CUL5: variants seen among roughly 807,000 people sequenced by gnomAD.
The protein encoded by CUL5 is cullin 5, also known as cullin-5.
CUL5 carries 26 observed loss-of-function variants against 108.8 expected under a neutral mutation model. That is an observed-to-expected ratio of 0.24 (90% CI 0.18 to 0.33). The LOEUF (loss-of-function observed/expected upper bound fraction) is 0.33, where lower values mean the gene tolerates loss of function less well. Ranked by LOEUF, CUL5 falls within the 10% of genes least tolerant of loss-of-function variation. CUL5 has a pLI of 1.00. For missense variants in CUL5, 524 were observed against 909.2 expected, an observed-to-expected ratio of 0.58 and a Z score of 5.45; for synonymous variants, 334 against 298.0, an observed-to-expected ratio of 1.12 and a Z score of -1.25.
At chr11:108,025,661 T>C (rs1429192646) in intron 1 of CUL5, among the ~76,000 whole-genome samples, 2 of 152,292 alleles carry the variant, frequency 1.3e-5, no homozygotes, top group South Asian at 2.1e-4. Flanking sequence ...GTTCTGCCCA[T>C]TCCCATTCCT....
intron 13 of CUL5, among the ~76,000 whole-genome samples, chr11:108,091,731 A>G (rs993975172): frequency 5.9e-5 from 9 of 151,270 alleles, no homozygotes; most frequent in Non-Finnish European, 1.3e-4. Flanking sequence ...ACACACACAC[A>G]CGACAAATAA....
intron 8 of CUL5, among the ~76,000 whole-genome samples, chr11:108,071,970 A>C (rs982422199): frequency 6.6e-6 from 1 of 152,122 alleles, no homozygotes; most frequent in Non-Finnish European, 1.5e-5. Flanking sequence ...TGAGCCCCGA[A>C]GTTTGAGACC....
intron 10 of CUL5, 150 bp downstream of exon 10, chr11:108,073,647 G>A (rs980020445): frequency 6.1e-5 from 25 of 408,594 alleles, no homozygotes; most frequent in Non-Finnish European, 1.1e-4. Context: ...AACTATATTC[G>A]TTTTGTCTTG....
chr11:108,081,158 C>T (rs1475032509), intron 11 of CUL5, among the ~76,000 whole-genome samples: 5 of 151,210 alleles, frequency 3.3e-5, no homozygotes, highest in African/African-American at 1.2e-4. Context: ...CGTGGTGGCT[C>T]ATGCCTGTGA....
intron 7 of CUL5, among the ~76,000 whole-genome samples, chr11:108,057,947 A>T (rs1487826081): frequency 6.6e-6 from 1 of 152,138 alleles, no homozygotes; most frequent in East Asian, 1.9e-4. Context: ...GCAGTGGCTC[A>T]CGCCTGTAAT....
chr11:108,043,015 G>A (rs1032844563), intron 2 of CUL5, among the ~76,000 whole-genome samples: 5 of 152,038 alleles, frequency 3.3e-5, no homozygotes, highest in African/African-American at 7.2e-5. Flanking sequence ...TGTCCACCTC[G>A]GCCTCCCAAA....
At chr11:108,062,443 A>G (rs1239999857) in intron 7 of CUL5, among the ~76,000 whole-genome samples, 1 of 151,778 alleles carries the variant, frequency 6.6e-6, no homozygotes, top group Non-Finnish European at 1.5e-5. Context: ...ATTGATTCCT[A>G]CCAATCTGCC....
chr11:108,070,033 A>T, intron 7 of CUL5, 63 bp from the exon 8 acceptor site: 1 of 986,046 alleles, frequency 1.0e-6, no homozygotes, highest in Non-Finnish European at 1.5e-6. Context: ...TTATTTTGTG[A>T]GTTAGAATAG....
intron 11 of CUL5, among the ~76,000 whole-genome samples, chr11:108,083,013 C>T (rs1864133964): frequency 6.6e-6 from 1 of 152,146 alleles, no homozygotes; most frequent in Admixed American, 6.5e-5. Flanking sequence ...TAGATTCTTT[C>T]AGCTTTTCTG....
At chr11:108,018,621 G>A (rs1382047287) in intron 1 of CUL5, among the ~76,000 whole-genome samples, 1 of 152,138 alleles carries the variant, frequency 6.6e-6, no homozygotes, top group Admixed American at 6.5e-5. Flanking sequence ...GTTGCAGGGA[G>A]CCGAGATCAC....
chr11:108,060,523 T>G lies in CUL5; in HGVS notation c.780+5568T>G, dbSNP rs189112196. Among the ~76,000 whole-genome samples, 84 of 152,202 alleles carry G rather than the reference T, an allele frequency of 5.5e-4. No individual in the cohort carries two copies. In the East Asian group the frequency reaches 0.011, roughly 20 times the overall value. ...AATTTGAGCGAGGTAGAAATAATTA[T>G]GCAAATTGAATACCACTAAAAGAAG... On this transcript the variant is annotated intron_variant, in intron 7 of 18. Transcript: ENST00000393094.
chr11:108,091,695 TCACACACACACACA>T lies in CUL5; in HGVS notation c.1443+2096_1443+2109del, dbSNP rs71303233. Among the ~76,000 whole-genome samples the T allele has an allele frequency of 5.1e-5, 7 of 138,098 alleles. No individual in the cohort carries two copies. The South Asian group carries it at 7.2e-4, about 14-fold the overall frequency. The allele number at this position is 138,098 out of a possible 152,430, so 90.6% of individuals were successfully genotyped here. A position where few individuals can be genotyped will look rare whatever the true frequency, so the allele number is the denominator to read the frequency against. ...CAGAGTCAGATCCTGTCTCTCTCAC[TCACACACACACACA>T]CACACACACACACACACACACACGA... On this transcript the variant is annotated intron_variant, in intron 13 of 18. Transcript: ENST00000393094.
chr11:108,063,334 A>G (rs1176530826), intron 7 of CUL5, among the ~76,000 whole-genome samples: 2 of 152,038 alleles, frequency 1.3e-5, no homozygotes, highest in East Asian at 3.8e-4. Context: ...ATTTCACCTA[A>G]CACAGTGTTC....
intron 8 of CUL5, 56 bp from the exon 9 acceptor site, chr11:108,072,276 C>CT (rs1863844554): frequency 2.1e-6 from 3 of 1,396,370 alleles, no homozygotes; most frequent in Non-Finnish European, 2.9e-6. Context: ...TAATGTTTCT[C>CT]TAAACTCTTA....
At chr11:108,071,714 TTTTG>T (rs1828924499) in intron 8 of CUL5, among the ~76,000 whole-genome samples, 1 of 151,714 alleles carries the variant, frequency 6.6e-6, no homozygotes, top group African/African-American at 2.4e-5. Flanking sequence ...ACCCAGCTAA[TTTTG>T]TTTGTTTGTT....
intron 5 of CUL5, among the ~76,000 whole-genome samples, chr11:108,053,476 T>C (rs1863289158): frequency 6.6e-6 from 1 of 152,342 alleles, no homozygotes; most frequent in Non-Finnish European, 1.5e-5. Flanking sequence ...ATCAAGCCTT[T>C]AGATTTTCAT....
intron 1 of CUL5, among the ~76,000 whole-genome samples, chr11:108,024,924 C>T (rs1862419434): frequency 6.6e-6 from 1 of 152,184 alleles, no homozygotes; most frequent in Non-Finnish European, 1.5e-5. Context: ...GTCTTTCTGA[C>T]TCTCTCTAGT....
At chr11:108,043,490 G>C (rs1862986885) in intron 2 of CUL5, among the ~76,000 whole-genome samples, 1 of 152,172 alleles carries the variant, frequency 6.6e-6, no homozygotes, top group African/African-American at 2.4e-5. Context: ...ACCATTAGAG[G>C]ATTTAAGTAT....
intron 11 of CUL5, among the ~76,000 whole-genome samples, chr11:108,080,162 TC>T (rs1420827162): frequency 6.6e-6 from 1 of 151,118 alleles, no homozygotes; most frequent in Non-Finnish European, 1.5e-5. Flanking sequence ...TGAAGGGTGA[TC>T]ATAGCTCACT....
Sources: gnomAD v4.1 joint callset for allele counts (sites outside exome capture counted in the v4.1 genomes callset) on GRCh38, gnomAD v4.1.1 for gene constraint, MANE v1.5 for transcripts, NCBI Gene and HGNC (gene_info 2026-07-23, HGNC 2026-07-21) for gene names.